SPATA21: variants seen among roughly 807,000 people sequenced by gnomAD.
SPATA21 encodes the protein spermatogenesis associated 21, also known as spermatogenesis-associated protein 21.
SPATA21 carries 47 observed loss-of-function variants against 54.8 expected under a neutral mutation model. That is an observed-to-expected ratio of 0.86 (90% CI 0.68 to 1.09). The LOEUF (loss-of-function observed/expected upper bound fraction) is 1.09, where lower values mean the gene tolerates loss of function less well. SPATA21 is among the 50% of genes least tolerant of loss of function. The pLI is 0.00. For missense variants in SPATA21, 599 were observed against 596.4 expected, an observed-to-expected ratio of 1.00 and a Z score of -0.05; for synonymous variants, 245 against 235.3, an observed-to-expected ratio of 1.04 and a Z score of -0.38.
intron 5 of SPATA21, among the ~76,000 whole-genome samples, chr1:16,413,903 A>G (rs2085925065): frequency 6.6e-6 from 1 of 151,850 alleles, no homozygotes; most frequent in Admixed American, 6.6e-5. Flanking sequence ...GTGAGCCACC[A>G]TGCCCAGCCT....
intron 3 of SPATA21, among the ~76,000 whole-genome samples, chr1:16,430,946 C>A (rs2086442467): frequency 6.6e-6 from 1 of 152,192 alleles, no homozygotes; most frequent in East Asian, 1.9e-4. Context: ...GTGGCCAGGG[C>A]AATCCCTGCC....
chr1:16,406,063 G>T lies in SPATA21; in HGVS notation c.674-959C>A, dbSNP rs141981831. On this transcript the variant is annotated intron_variant, in intron 7 of 12. Coordinates refer to ENST00000335496, the MANE Select transcript of SPATA21 (RefSeq NM_198546.1). ...CTGTTGGCACTCAAACCAAACCCTTGGCCTGGATATGGAATAGACAGCAGA... is the reference window on the plus strand; with the variant it reads ...CTGTTGGCACTCAAACCAAACCCTTTGCCTGGATATGGAATAGACAGCAGA... 1.6e-3 allele frequency among the ~76,000 whole-genome samples: 244 copies of T among 152,236 alleles called. 1 individual carries two copies. The highest frequency in any genetic ancestry group is 5.5e-3 in the African/African-American group (229 of 41,544).
chr1:16,421,715 T>C lies in SPATA21; in HGVS notation c.96-158A>G, dbSNP rs1199086418. Among the ~76,000 whole-genome samples the C allele has an allele frequency of 6.6e-6, 1 of 152,070 alleles. No individual in the cohort carries two copies. Among genetic ancestry groups the C allele is most frequent in the Non-Finnish European group, 1.5e-5 (1 of 68,018 alleles). On this transcript the variant is annotated intron_variant, in intron 4 of 12. Transcript: ENST00000335496. The surrounding 1 kb of genome is among the most constrained non-coding windows in gnomAD (Gnocchi z 5.2). ...CTCCTTATGTCCCCACATCCTCATATATACAGGCTCACGGAACCAAGAATT... is the reference window on the plus strand; with the variant it reads ...CTCCTTATGTCCCCACATCCTCATACATACAGGCTCACGGAACCAAGAATT...
At position 16,404,951 on chromosome 1, in the gene SPATA21, G is replaced by A. The variant is rs769677522; in HGVS notation, c.811+16C>T. 81 of 1,553,958 alleles carry A rather than the reference G, an allele frequency of 5.2e-5. No individual in the cohort carries two copies. Among genetic ancestry groups the A allele is most frequent in the Non-Finnish European group, 6.6e-5 (76 of 1,155,772 alleles). ...GGCCCTGCCTGGGATGCAGAGTGGA[G>A]CCCTCTGCCACTCACCATTGACATC... On this transcript the variant is annotated intron_variant, in intron 8 of 12. Coordinates refer to ENST00000335496, the MANE Select transcript of SPATA21 (RefSeq NM_198546.1).
At chr1:16,431,735 T>G (rs2086463591) in intron 2 of SPATA21, among the ~76,000 whole-genome samples, 1 of 152,122 alleles carries the variant, frequency 6.6e-6, no homozygotes, top group South Asian at 2.1e-4. Flanking sequence ...CCCAGGCGCT[T>G]TCCCCGACGG....
intron 3 of SPATA21, among the ~76,000 whole-genome samples, chr1:16,426,101 A>G (rs2086310546): frequency 1.3e-5 from 2 of 152,094 alleles, no homozygotes; most frequent in Non-Finnish European, 2.9e-5. Context: ...AAAATGAAAC[A>G]AAAATCAGAA....
chr1:16,406,154 CTG>C (rs1290639706), intron 7 of SPATA21, among the ~76,000 whole-genome samples: 2 of 151,886 alleles, frequency 1.3e-5, no homozygotes, highest in Non-Finnish European at 2.9e-5. Context: ...GAGTTTCACT[CTG>C]TCACCCAGGC....
rs71574184 is a variant in SPATA21 at position 16,416,680 on chromosome 1, CAA to C, written c.144+4827_144+4828del. On this transcript the variant is annotated intron_variant, in intron 5 of 12. Coordinates refer to ENST00000335496, the MANE Select transcript of SPATA21 (RefSeq NM_198546.1). ...TGGGCGACAGAGAGAGACTCCATCT[CAA>C]AAAAAAAAAAAAAGAATGTGGTGGG... Among the ~76,000 whole-genome samples the C allele has an allele frequency of 8.9e-3, 1,161 of 130,194 alleles. 10 individuals are homozygous for C. The highest frequency in any genetic ancestry group is 0.027 in the African/African-American group (920 of 33,912). 85.4% of individuals were successfully genotyped at this position (130,194 alleles called of 152,430 possible). A position where few individuals can be genotyped will look rare whatever the true frequency, so the allele number is the denominator to read the frequency against.
intron 7 of SPATA21, among the ~76,000 whole-genome samples, chr1:16,407,572 G>A (rs548802407): frequency 6.6e-6 from 1 of 151,782 alleles, no homozygotes; most frequent in African/African-American, 2.4e-5. Flanking sequence ...CGATTCTTGT[G>A]CCTCAGCCCC....
chr1:16,400,656 G>A (rs998627241), intron 11 of SPATA21, 64 bp downstream of exon 11: 16 of 1,532,884 alleles, frequency 1.0e-5, no homozygotes, highest in Non-Finnish European at 1.3e-5. Context: ...AAGGAAAGGA[G>A]ACCAGATGGG....
intron 10 of SPATA21, 69 bp from the exon 11 acceptor site, chr1:16,400,961 ATCTC>A: frequency 6.5e-7 from 1 of 1,539,852 alleles, no homozygotes; most frequent in East Asian, 2.3e-5. Context: ...CTCAGCCCCT[ATCTC>A]TCTGGCCAGC....
At chr1:16,412,942 C>A (rs760041828) in intron 5 of SPATA21, among the ~76,000 whole-genome samples, 4 of 152,166 alleles carry the variant, frequency 2.6e-5, no homozygotes, top group Non-Finnish European at 2.9e-5. Flanking sequence ...CACTACCATA[C>A]CCGGCTAGTT....
rs1299997493 is a variant in SPATA21, at chr1:16,431,325, G to A, written c.34+13C>T. 2 of 1,614,146 alleles carry A rather than the reference G, an allele frequency of 1.2e-6. No homozygotes were observed. Among genetic ancestry groups the A allele is most frequent in the Non-Finnish European group, 1.7e-6 (2 of 1,180,034 alleles). ...GCCAGGACTTGGCTGCGTCCCTGGA[G>A]CCTTGGTTCTACCCTCCGTGTACAT... On this transcript the variant is annotated intron_variant, in intron 3 of 12. Coordinates refer to ENST00000335496, the MANE Select transcript of SPATA21 (RefSeq NM_198546.1).
intron 5 of SPATA21, among the ~76,000 whole-genome samples, chr1:16,420,838 G>A: frequency 6.6e-6 from 1 of 152,038 alleles, no homozygotes; most frequent in Non-Finnish European, 1.5e-5. Flanking sequence ...AGCGGAGGGA[G>A]GGCGGTGTGG....
intron 3 of SPATA21, chr1:16,425,587 CT>C: frequency 6.5e-7 from 1 of 1,550,144 alleles, no homozygotes. Context: ...CCTGCTGGCC[CT>C]TGATCTCCTT....
chr1:16,416,766 C>T lies in SPATA21; in HGVS notation c.144+4743G>A, dbSNP rs1557661065. Among the ~76,000 whole-genome samples, 5 of 152,224 alleles carry T rather than the reference C, an allele frequency of 3.3e-5. No homozygotes were observed. In the South Asian group the frequency reaches 1.0e-3, roughly 32 times the overall value. ...GGAACACCCCAGGATCTGTTCCACT[C>T]CCCTGAGCCCCAGAAATAGGATGGC... On this transcript the variant is annotated intron_variant, in intron 5 of 12. Transcript: ENST00000335496.
intron 3 of SPATA21, among the ~76,000 whole-genome samples, chr1:16,427,080 T>C (rs1335722430): frequency 6.6e-6 from 1 of 152,176 alleles, no homozygotes; most frequent in East Asian, 1.9e-4. Flanking sequence ...AATGTGACAG[T>C]GAAAGTCTTT....
chr1:16,421,843 C>A lies in SPATA21; in HGVS notation c.95+68G>T, dbSNP rs2086181435. 9 of 1,611,466 alleles carry A rather than the reference C, an allele frequency of 5.6e-6. No homozygotes were observed. The Admixed American group carries it at 1.2e-4, about 21-fold the overall frequency. On this transcript the variant is annotated intron_variant, in intron 4 of 12. Transcript: ENST00000335496. This position sits in a 1 kb window ranked among gnomAD's most constrained non-coding sequence, Gnocchi z 5.2. ...CAGGAGCAGTCTGGACTAGAATTCA[C>A]CCCACCTGAAACTCAGCAGAAGAGC...
chr1:16,416,660 G>A lies in SPATA21; in HGVS notation c.144+4849C>T, dbSNP rs547570709. On this transcript the variant is annotated intron_variant, in intron 5 of 12. Coordinates refer to ENST00000335496, the MANE Select transcript of SPATA21 (RefSeq NM_198546.1). Reference sequence around the variant, plus strand: ...ACCACTACAGCACTCCAGCCTGGGCGACAGAGAGAGACTCCATCTCAAAAA... The same window carrying A: ...ACCACTACAGCACTCCAGCCTGGGCAACAGAGAGAGACTCCATCTCAAAAA... 1.5e-4 allele frequency among the ~76,000 whole-genome samples: 22 copies of A among 145,848 alleles called. No homozygotes were observed. The East Asian group carries it at 4.5e-3, about 30-fold the overall frequency.
Sources: allele counts gnomAD v4.1 joint callset (sites outside exome capture counted in the v4.1 genomes callset), GRCh38; gene constraint gnomAD v4.1.1; non-coding constraint Gnocchi (gnomAD v3.1); transcripts MANE v1.5; gene names NCBI Gene and HGNC (gene_info 2026-07-23, HGNC 2026-07-21).